EMG1: variants seen among roughly 807,000 people sequenced by gnomAD.
EMG1 encodes the protein ribosomal RNA small subunit methyltransferase NEP1.
EMG1 carries 24 observed loss-of-function variants against 26.9 expected under a neutral mutation model. The observed-to-expected ratio is 0.89, with a 90% confidence interval of 0.65 to 1.26. The LOEUF is 1.26. EMG1 is among the 50% of genes most tolerant of loss of function. The pLI is 0.00. For synonymous variants in EMG1, 140 were observed against 112.6 expected (o/e 1.24, Z -1.54); for missense variants, 299 against 307.6 (o/e 0.97, Z 0.21).
chr12:6,994,651 C>T (rs782779337), intron 7 of EMG1, among the ~76,000 whole-genome samples: 2 of 152,156 alleles, frequency 1.3e-5, no homozygotes, highest in East Asian at 3.9e-4. Context: ...GTTGGAGTTT[C>T]ACCATGTTGC....
rs781913478 is a variant in EMG1 at position 6,979,242 on chromosome 12, C to T, written c.*3433C>T. 44 of 556,400 alleles carry T rather than the reference C, an allele frequency of 7.9e-5. 1 individual carries two copies. The highest frequency in any genetic ancestry group is 5.8e-4 in the South Asian group (26 of 44,500). The allele number at this position is 556,400 out of a possible 1,614,324, so 34.5% of individuals were successfully genotyped here. ...TAGGAGCGGCTCCTAGAGAAGGCAACGGGTGCTAAATGTGCACCTGGCACA... is the reference window on the plus strand; with the variant it reads ...TAGGAGCGGCTCCTAGAGAAGGCAATGGGTGCTAAATGTGCACCTGGCACA... On this transcript the variant is annotated 3_prime_UTR_variant, in exon 6 of 6. Transcript: ENST00000599672.
chr12:6,996,405 C>A (rs1009582181), intron 7 of EMG1, among the ~76,000 whole-genome samples: 2 of 152,074 alleles, frequency 1.3e-5, no homozygotes, highest in Admixed American at 1.3e-4. Context: ...ACTTCTTGTT[C>A]TTCTTTCCTG....
At chr12:6,988,878 G>A (rs368671202), downstream of EMG1, among the ~76,000 whole-genome samples, 16 of 152,304 alleles carry the variant, frequency 1.1e-4, no homozygotes, top group East Asian at 1.7e-3. Context: ...TGTAATCCCA[G>A]CACTTTGGGA....
At chr12:6,993,056 TAC>T (rs1476409688), downstream of EMG1, among the ~76,000 whole-genome samples, 3 of 152,366 alleles carry the variant, frequency 2.0e-5, no homozygotes. Flanking sequence ...GGGCTGACTA[TAC>T]ACAGTTTCCT....
chr12:6,971,748 ATGTAGCCTAGTC>A (rs1555152314), intron 1 of EMG1, among the ~76,000 whole-genome samples: 1 of 152,228 alleles, frequency 6.6e-6, no homozygotes, highest in Non-Finnish European at 1.5e-5. Context: ...AAACGTAGTT[ATGTAGCCTAGTC>A]TGCCCACACT....
downstream of EMG1, among the ~76,000 whole-genome samples, chr12:6,989,741 A>G (rs1946569914): frequency 1.3e-5 from 2 of 152,190 alleles, no homozygotes; most frequent in South Asian, 2.1e-4. Context: ...TGTTTGTGTC[A>G]GGGACCAGAT....
chr12:6,980,963 G>C (rs1946464969), downstream of EMG1: 15 of 1,528,652 alleles, frequency 9.8e-6, no homozygotes, highest in Middle Eastern at 1.9e-4. Context: ...CAGAGTGAGT[G>C]AAATACCTAC....
intron 7 of EMG1, among the ~76,000 whole-genome samples, chr12:6,994,175 G>T (rs1169039296): frequency 6.6e-6 from 1 of 151,930 alleles, no homozygotes; most frequent in East Asian, 1.9e-4. Flanking sequence ...AATTCTCTTG[G>T]GTATATACCT....
downstream of EMG1, among the ~76,000 whole-genome samples, chr12:6,989,520 G>A (rs1448809848): frequency 6.6e-6 from 1 of 151,950 alleles, no homozygotes; most frequent in Non-Finnish European, 1.5e-5. Context: ...CCGTGGTCTC[G>A]ATCTCCTGAC....
At chr12:6,982,524 T>C (rs1946480746), downstream of EMG1, 1 of 621,256 alleles carries the variant, frequency 1.6e-6, no homozygotes, top group Non-Finnish European at 2.9e-6. Flanking sequence ...CTTGGGCCTG[T>C]GATAAGCCAC....
chr12:6,973,868 C>T (rs781856816), intron 1 of EMG1, among the ~76,000 whole-genome samples: 1 of 152,224 alleles, frequency 6.6e-6, no homozygotes, highest in East Asian at 1.9e-4. Flanking sequence ...AGATTTGCAG[C>T]TCTTCACTTA....
At chr12:6,994,051 G>C (rs182828585) in intron 7 of EMG1, among the ~76,000 whole-genome samples, 4 of 152,176 alleles carry the variant, frequency 2.6e-5, no homozygotes, top group African/African-American at 9.7e-5. Flanking sequence ...TGCCTAGGCC[G>C]GTCTTGAACT....
chr12:6,983,342 C>G (rs1353491456), downstream of EMG1: 9 of 805,678 alleles, frequency 1.1e-5, no homozygotes, highest in African/African-American at 1.7e-5. Context: ...ACTTCCCTAC[C>G]TATTAGATTC....
chr12:6,983,858 G>A (rs1946496743), downstream of EMG1, among the ~76,000 whole-genome samples: 1 of 152,134 alleles, frequency 6.6e-6, no homozygotes, highest in South Asian at 2.1e-4. Context: ...AATGATACAA[G>A]GAAGCTAGGC....
At position 6,976,900 on chromosome 12, in the gene EMG1, CAA is replaced by C. The variant is rs369445877; in HGVS notation, c.*1092_*1093del. The stretch of plus-strand genomic sequence containing the variant: ...AGTCCCGCACAGGCCACCTGCAAGA[CAA>C]GAGGAGTTTGGAAGGCTGGTTAGTT... On this transcript the variant is annotated 3_prime_UTR_variant, in exon 6 of 6. Coordinates refer to ENST00000599672, the MANE Select transcript of EMG1 (RefSeq NM_006331.8). 147 of 468,910 alleles carry C rather than the reference CAA, an allele frequency of 3.1e-4. No homozygotes were observed. The highest frequency in any genetic ancestry group is 1.3e-3 in the African/African-American group (65 of 51,488). 29.0% of individuals were successfully genotyped at this position (468,910 alleles called of 1,614,324 possible).
chr12:6,985,973 C>T (rs1946521698), intron 6 of EMG1, among the ~76,000 whole-genome samples: 1 of 151,978 alleles, frequency 6.6e-6, no homozygotes. Flanking sequence ...CGGTATTTCA[C>T]CATGTTGGCC....
intron 7 of EMG1, chr12:6,988,020 C>T: frequency 2.6e-6 from 1 of 388,920 alleles, no homozygotes; most frequent in Non-Finnish European, 4.5e-6. Flanking sequence ...TACGGCAGGC[C>T]TTAGAAACCA....
chr12:6,975,811 A>G lies in EMG1; in HGVS notation c.*2A>G. 1 of 1,559,836 alleles carries G rather than the reference A, an allele frequency of 6.4e-7. No individual in the cohort carries two copies. Among genetic ancestry groups the G allele is most frequent in the African/African-American group, 1.4e-5 (1 of 73,862 alleles). On this transcript the variant is annotated 3_prime_UTR_variant, in exon 6 of 6. Coordinates refer to ENST00000599672, the MANE Select transcript of EMG1 (RefSeq NM_006331.8). ...GAGGAAGTATGGGGGGTCATTTGAC[A>G]GTAGTAGAACCTGTTCTGAAACCAG...
chr12:6,986,045 G>A (rs1481478556), intron 6 of EMG1, among the ~76,000 whole-genome samples: 1 of 151,670 alleles, frequency 6.6e-6, no homozygotes, highest in Non-Finnish European at 1.5e-5. Flanking sequence ...AAAGTGCTAG[G>A]ATTACAGGCG....
Sources: gnomAD v4.1 joint callset for allele counts (sites outside exome capture counted in the v4.1 genomes callset) on GRCh38, gnomAD v4.1.1 for gene constraint, MANE v1.5 for transcripts, NCBI Gene and HGNC (gene_info 2026-07-23, HGNC 2026-07-21) for gene names.